The following ACTR3C variants were observed in gnomAD, a reference collection of about 807,000 sequenced individuals.
The protein encoded by ACTR3C is actin related protein 3C.
ACTR3C carries 18 observed loss-of-function variants against 26.3 expected under a neutral mutation model. The observed-to-expected ratio is 0.68, with a 90% CI of 0.47 to 1.01. ACTR3C has a LOEUF of 1.01. ACTR3C is among the 50% of genes least tolerant of loss of function. ACTR3C has a pLI of 0.00. For missense variants in ACTR3C, 184 were observed against 250.7 expected (o/e 0.73, Z 1.80); for synonymous variants, 55 against 94.5 (o/e 0.58, Z 2.42).
the ACTR3C span, among the ~76,000 whole-genome samples, chr7:150,064,934 A>G: frequency 6.6e-6 from 1 of 152,096 alleles, no homozygotes; most frequent in Non-Finnish European, 1.5e-5. Flanking sequence ...ATCTTTGTGG[A>G]TTTCTGTGGA....
chr7:149,905,343 T>C, the ACTR3C span, among the ~76,000 whole-genome samples: 1 of 151,640 alleles, frequency 6.6e-6, no homozygotes, highest in Non-Finnish European at 1.5e-5. Context: ...CTTTAATAAA[T>C]AGTGTTGGGA....
At chr7:149,897,753 C>G in the ACTR3C span, among the ~76,000 whole-genome samples, 462 of 152,320 alleles carry the variant, frequency 3.0e-3, 2 homozygotes, top group African/African-American at 0.011. Context: ...TGGCCCATGC[C>G]TGTAATCCCA....
At chr7:150,063,977 T>G in the ACTR3C span, among the ~76,000 whole-genome samples, 1 of 151,712 alleles carries the variant, frequency 6.6e-6, no homozygotes, top group African/African-American at 2.4e-5. Context: ...AAATCCCACT[T>G]CCTAGAAGAA....
At chr7:150,247,171 T>A (rs1359490493), downstream of ACTR3C, 1 of 152,328 alleles carries the variant, frequency 6.6e-6, no homozygotes, top group East Asian at 1.9e-4. Context: ...ATTGCCACCC[T>A]GGTTAATCTC....
At chr7:150,226,549 G>T in the ACTR3C span, among the ~76,000 whole-genome samples, 1 of 152,102 alleles carries the variant, frequency 6.6e-6, no homozygotes, top group Non-Finnish European at 1.5e-5. Context: ...TGATTCTCCT[G>T]CCTTAGCCTC....
At chr7:150,311,685 C>T (rs1038696742) in intron 1 of ACTR3C, among the ~76,000 whole-genome samples, 1 of 152,196 alleles carries the variant, frequency 6.6e-6, no homozygotes, top group African/African-American at 2.4e-5. Context: ...AATCCCAAAC[C>T]CAGACCACAC....
chr7:150,199,653 T>TA, the ACTR3C span, among the ~76,000 whole-genome samples: 24 of 74,860 alleles, frequency 3.2e-4, no homozygotes, highest in East Asian at 1.7e-3. Flanking sequence ...AAAAAATAAA[T>TA]AAAAAAAAAT....
At chr7:150,283,822 T>C (rs894912320) in intron 6 of ACTR3C, among the ~76,000 whole-genome samples, 7 of 150,504 alleles carry the variant, frequency 4.7e-5, no homozygotes, top group African/African-American at 1.5e-4. Context: ...GAGTGAGTCA[T>C]GCCACTGAGC....
At chr7:149,883,990 TGGAG>T in the ACTR3C span, among the ~76,000 whole-genome samples, 54,747 of 146,904 alleles carry the variant, frequency 0.37, 10,879 homozygotes, top group African/African-American at 0.55. Flanking sequence ...AGGTTTTTAG[TGGAG>T]GGAGGGAGGG....
intron 1 of ACTR3C, among the ~76,000 whole-genome samples, chr7:150,313,829 T>G (rs1796549728): frequency 6.6e-6 from 1 of 152,220 alleles, no homozygotes; most frequent in Non-Finnish European, 1.5e-5. Context: ...CTGAGCCTTC[T>G]TGGCAGCTAC....
intron 1 of ACTR3C, among the ~76,000 whole-genome samples, chr7:150,315,552 T>A (rs1796783432): frequency 6.6e-6 from 1 of 152,260 alleles, no homozygotes; most frequent in Non-Finnish European, 1.5e-5. Flanking sequence ...TAATTCGTTG[T>A]TAGCATTCAA....
At chr7:150,135,227 G>C in the ACTR3C span, among the ~76,000 whole-genome samples, 2 of 152,204 alleles carry the variant, frequency 1.3e-5, no homozygotes, top group Non-Finnish European at 1.5e-5. Context: ...AGCTGAGATC[G>C]CGCCACTGCG....
the ACTR3C span, among the ~76,000 whole-genome samples, chr7:150,096,521 CAT>C: frequency 6.6e-6 from 1 of 151,554 alleles, no homozygotes; most frequent in South Asian, 2.1e-4. Flanking sequence ...GAAAGAAAAA[CAT>C]TGACGGTGAG....
At chr7:150,101,430 T>G in the ACTR3C span, among the ~76,000 whole-genome samples, 9 of 151,664 alleles carry the variant, frequency 5.9e-5, 1 homozygote, top group Admixed American at 5.9e-4. Context: ...CTCAGAAAGT[T>G]GTAGCCCCAG....
chr7:150,250,907 T>C (rs909876302), intron 6 of ACTR3C, among the ~76,000 whole-genome samples: 4 of 152,184 alleles, frequency 2.6e-5, no homozygotes, highest in African/African-American at 9.7e-5. Flanking sequence ...GTAGTTACTA[T>C]GTGGAGAGTG....
chr7:150,287,074 G>C (rs1835838318), intron 4 of ACTR3C, among the ~76,000 whole-genome samples: 1 of 152,046 alleles, frequency 6.6e-6, no homozygotes, highest in African/African-American at 2.4e-5. Flanking sequence ...TGTGGAGCTG[G>C]CCACAGCACT....
the ACTR3C span, among the ~76,000 whole-genome samples, chr7:150,225,483 A>T: frequency 6.6e-6 from 1 of 152,132 alleles, no homozygotes; most frequent in Non-Finnish European, 1.5e-5. Context: ...CCAACCATCC[A>T]ATTCGTTGTT....
the ACTR3C span, among the ~76,000 whole-genome samples, chr7:149,979,243 C>G: frequency 3.3e-5 from 5 of 152,334 alleles, no homozygotes; most frequent in East Asian, 7.7e-4. Context: ...GGCGAGCTGG[C>G]AGGTTCCCAG....
chr7:150,172,723 T>C, the ACTR3C span, among the ~76,000 whole-genome samples: 2 of 150,596 alleles, frequency 1.3e-5, no homozygotes, highest in Non-Finnish European at 2.9e-5. Flanking sequence ...TGTAAGCCTA[T>C]AAAATCAAAA....
Sources: allele counts gnomAD v4.1 joint callset (sites outside exome capture counted in the v4.1 genomes callset), GRCh38; gene constraint gnomAD v4.1.1; transcripts MANE v1.5; gene names NCBI Gene and HGNC (gene_info 2026-07-23, HGNC 2026-07-21).